GAPVD1: variants seen among roughly 807,000 people sequenced by gnomAD.
GAPVD1 encodes the protein GTPase-activating protein and VPS9 domain-containing protein 1.
In GAPVD1, 35 loss-of-function variants were observed where a neutral mutation model predicts 155.5. The observed-to-expected ratio is 0.23, with a 90% CI of 0.17 to 0.30. The LOEUF is 0.30. GAPVD1 is among the 10% of genes least tolerant of loss of function. The pLI is 1.00. For missense variants in GAPVD1, 1,429 were observed against 1,775.7 expected, an observed-to-expected ratio of 0.80 and a Z score of 3.51; for synonymous variants, 636 against 619.7, an observed-to-expected ratio of 1.03 and a Z score of -0.39.
At chr9:125,262,600 C>T (rs1332170740) in intron 1 of GAPVD1, among the ~76,000 whole-genome samples, 1 of 152,082 alleles carries the variant, frequency 6.6e-6, no homozygotes, top group African/African-American at 2.4e-5. Context: ...TGCATAAAAA[C>T]AGGGAGACAT....
At chr9:125,301,461 T>G (rs1458551682) in intron 4 of GAPVD1, among the ~76,000 whole-genome samples, 1 of 152,052 alleles carries the variant, frequency 6.6e-6, no homozygotes. Context: ...TTTCTTTTTT[T>G]TTTTCCAGAC....
chr9:125,278,840 A>G (rs1461591087), intron 2 of GAPVD1, among the ~76,000 whole-genome samples: 1 of 152,018 alleles, frequency 6.6e-6, no homozygotes, highest in African/African-American at 2.4e-5. Context: ...GTCTGGAAAA[A>G]AAAAAACAAC....
chr9:125,337,410 G>A lies in GAPVD1; in HGVS notation c.2696G>A (p.Arg899Gln), dbSNP rs1482869712. Reference protein sequence around the residue: ...QRHSYPERLVRSRSSDIVSSV... With the variant: ...QRHSYPERLVQSRSSDIVSSV... The stretch of plus-strand genomic sequence containing the variant: ...CATTCTTACCCTGAGAGACTAGTTC[G>A]AAGCAGGAGCTCTGATATAGTATCT... The change falls in exon 17 of 28, where the codon CGA becomes CAA. Residue 899 changes from arginine (R) to glutamine (Q), a missense_variant. By Grantham distance (43) the Arg-to-Gln change is conservative (BLOSUM62 1). Transcript: ENST00000297933. The A allele has an allele frequency of 1.9e-6, 3 of 1,614,016 alleles. No homozygotes were observed. Among genetic ancestry groups the A allele is most frequent in the Admixed American group, 1.7e-5 (1 of 60,018 alleles).
At chr9:125,356,392 A>G (rs1850090708) in intron 25 of GAPVD1, among the ~76,000 whole-genome samples, 1 of 152,186 alleles carries the variant, frequency 6.6e-6, no homozygotes, top group Non-Finnish European at 1.5e-5. Flanking sequence ...TGACCTCTAC[A>G]CACAAGATGC....
chr9:125,296,653 CTT>C (rs34723392), intron 3 of GAPVD1, among the ~76,000 whole-genome samples: 1 of 125,326 alleles, frequency 8.0e-6, no homozygotes, highest in African/African-American at 3.1e-5. Context: ...TGTGCCTGGC[CTT>C]TTTTTTTTTT....
chr9:125,347,300 A>T (rs1848631651), intron 20 of GAPVD1, among the ~76,000 whole-genome samples: 1 of 152,176 alleles, frequency 6.6e-6, no homozygotes, highest in Non-Finnish European at 1.5e-5. Context: ...CTTGTCCCAA[A>T]AGGGACAAGT....
intron 12 of GAPVD1, among the ~76,000 whole-genome samples, chr9:125,328,937 G>A (rs998162174): frequency 1.8e-4 from 28 of 152,310 alleles, no homozygotes; most frequent in African/African-American, 5.8e-4. Context: ...GCTGGAGACC[G>A]CCCGGCCAAC....
chr9:125,330,283 C>T lies in GAPVD1; in HGVS notation c.2173+65C>T, dbSNP rs1042989273. 4.6e-6 allele frequency: 5 copies of T among 1,084,692 alleles called. No individual in the cohort carries two copies. The African/African-American group carries it at 6.4e-5, about 14-fold the overall frequency. The allele number at this position is 1,084,692 out of a possible 1,614,324, so 67.2% of individuals were successfully genotyped here. A position where few individuals can be genotyped will look rare whatever the true frequency, so the allele number is the denominator to read the frequency against. On this transcript the variant is annotated intron_variant, in intron 13 of 27. Transcript: ENST00000297933. ...AAGTTTTAATTAAATGCAAGGTATC[C>T]CAACTCTGTATTATGTATATTTTGT...
intron 1 of GAPVD1, 89 bp from the exon 2 acceptor site, chr9:125,268,847 G>A (rs1467089249): frequency 6.6e-6 from 1 of 151,898 alleles, no homozygotes; most frequent in African/African-American, 2.4e-5. Flanking sequence ...TGTAATGTTT[G>A]TAGGTAGTTT....
At position 125,355,803 on chromosome 9, in the gene GAPVD1, G is replaced by T; in HGVS notation, c.3917G>T (p.Arg1306Leu). 1.2e-6 allele frequency: 2 copies of T among 1,613,400 alleles called. No homozygotes were observed. The highest frequency in any genetic ancestry group is 2.2e-5 in the South Asian group (2 of 91,068). The stretch of plus-strand genomic sequence containing the variant: ...GCCATTGAGCGAAGCGTGATGAACC[G>T]GATTTTCAAGCTCGCCTTCTACCCT... ...QLAIERSVMN[R>L]IFKLAFYPNQ... Residue 1306 changes from arginine (R) to leucine (L), a missense_variant, in exon 25 of 28, where the codon CGG becomes CTG. By Grantham distance (102) the Arg-to-Leu change is moderately radical. Transcript: ENST00000297933.
chr9:125,306,636 G>T (rs1841869014), intron 6 of GAPVD1, among the ~76,000 whole-genome samples: 1 of 152,068 alleles, frequency 6.6e-6, no homozygotes, highest in African/African-American at 2.4e-5. Flanking sequence ...GGGACTGCAG[G>T]TGCGCGCCAC....
At chr9:125,337,746 G>T (rs1389643267) in intron 17 of GAPVD1, among the ~76,000 whole-genome samples, 155 bp downstream of exon 17, 1 of 152,138 alleles carries the variant, frequency 6.6e-6, no homozygotes, top group African/African-American at 2.4e-5. Context: ...AACCATAACC[G>T]CAGGAAACCT....
At chr9:125,293,852 TTATATATATA>T (rs1161661604) in intron 2 of GAPVD1, among the ~76,000 whole-genome samples, 354 of 35,020 alleles carry the variant, frequency 0.01, 2 homozygotes, top group Middle Eastern at 0.014. Context: ...AAAATATATT[TTATATATATA>T]TATATATATA....
At chr9:125,263,365 C>G (rs1833273801) in intron 1 of GAPVD1, among the ~76,000 whole-genome samples, 1 of 152,238 alleles carries the variant, frequency 6.6e-6, no homozygotes, top group African/African-American at 2.4e-5. Context: ...AAGAGAATCA[C>G]TTGAGCCCGG....
At chr9:125,350,667 C>T in intron 22 of GAPVD1, 46 bp from the exon 23 acceptor site, 1 of 1,197,360 alleles carries the variant, frequency 8.4e-7, no homozygotes, top group Non-Finnish European at 1.2e-6. Context: ...TATTTAAGCA[C>T]ATGGAAATTC....
At position 125,363,951 on chromosome 9, in the gene GAPVD1, G is replaced by A. The variant is rs1253050919; in HGVS notation, c.*1205G>A. 6.6e-6 allele frequency: 1 copy of A among 152,566 alleles called. No homozygotes were observed. Among genetic ancestry groups the A allele is most frequent in the East Asian group, 1.9e-4 (1 of 5,196 alleles). The allele number at this position is 152,566 out of a possible 1,614,324, so 9.5% of individuals were successfully genotyped here. On this transcript the variant is annotated 3_prime_UTR_variant, in exon 28 of 28. Transcript: ENST00000297933. The stretch of plus-strand genomic sequence containing the variant: ...TAATTAATCAGGAATGGGTTTTGGT[G>A]CCTGAAAAATTGGCCATGGAGGCAC...
At chr9:125,264,562 AAT>A (rs1564230156) in intron 1 of GAPVD1, among the ~76,000 whole-genome samples, 1 of 152,146 alleles carries the variant, frequency 6.6e-6, no homozygotes, top group Non-Finnish European at 1.5e-5. Flanking sequence ...TGAACAAAAT[AAT>A]CGGAAGAAGA....
chr9:125,330,572 C>T (rs1296416647), intron 13 of GAPVD1, among the ~76,000 whole-genome samples: 1 of 152,126 alleles, frequency 6.6e-6, no homozygotes, highest in African/African-American at 2.4e-5. Flanking sequence ...CCACCTTGGC[C>T]TCCCGAAGTG....
rs547560589 is a variant in GAPVD1 at position 125,302,693 on chromosome 9, T to A, written c.896T>A (p.Val299Asp). The change falls in exon 5 of 28, where the codon GTT becomes GAT. Residue 299 changes from valine (V) to aspartate (D), a missense_variant. Val to Asp is a radical substitution (Grantham distance 152, BLOSUM62 -3). Coordinates refer to ENST00000297933, the MANE Select transcript of GAPVD1 (RefSeq NM_001282680.3). ...KTLSCVDRLE[V>D]GEVRAMCTDL... ...CTCTCCTGTGTAGATAGGCTGGAAG[T>A]TGGGGAGGTCAGGGCAATGTGTACT... 10 of 1,611,830 alleles carry A rather than the reference T, an allele frequency of 6.2e-6. No individual in the cohort carries two copies. The East Asian group carries it at 2.2e-4, about 36-fold the overall frequency.
Sources: gnomAD v4.1 joint callset for allele counts (sites outside exome capture counted in the v4.1 genomes callset) on GRCh38, gnomAD v4.1.1 for gene constraint, MANE v1.5 for transcripts, NCBI Gene and HGNC (gene_info 2026-07-23, HGNC 2026-07-21) for gene names.